The following LMO1 variants were observed in gnomAD, a reference collection of about 807,000 sequenced individuals.
The protein encoded by LMO1 is LIM domain only 1, also known as rhombotin-1.
LMO1 carries 10 observed loss-of-function variants against 18.0 expected under a neutral mutation model. That is an observed-to-expected ratio of 0.55 (90% CI 0.34 to 0.94). LMO1 has a LOEUF of 0.94. LMO1 is among the 40% of genes least tolerant of loss of function. The pLI is 0.02. For missense variants in LMO1, 183 were observed against 205.7 expected (o/e 0.89, Z 0.68); for synonymous variants, 77 against 77.9 (o/e 0.99, Z 0.06).
intron 1 of LMO1, among the ~76,000 whole-genome samples, chr11:8,235,785 G>T (rs1177724893): frequency 2.0e-5 from 3 of 152,250 alleles, no homozygotes; most frequent in South Asian, 2.1e-4. Flanking sequence ...TGTGTAATGG[G>T]TATGAAAACA....
At chr11:8,247,383 C>T (rs1275694814) in intron 1 of LMO1, among the ~76,000 whole-genome samples, 4 of 152,188 alleles carry the variant, frequency 2.6e-5, no homozygotes, top group Non-Finnish European at 5.9e-5. Flanking sequence ...AGGAAAGCAA[C>T]GAGGCTGCCT....
chr11:8,268,394 CCCGGGCACCGGCA>C (rs1324019039), upstream of LMO1: 2 of 1,466,592 alleles, frequency 1.4e-6, no homozygotes, highest in South Asian at 1.3e-5. Flanking sequence ...CCCGCGTGCC[CCCGGGCACCGGCA>C]CCGGGCGCCG....
rs774615420 is a variant in LMO1 at position 8,230,502 on chromosome 11, C to A, written c.28G>T (p.Val10Leu). 3.1e-6 allele frequency: 5 copies of A among 1,610,968 alleles called. No individual in the cohort carries two copies. Among genetic ancestry groups the A allele is most frequent in the Non-Finnish European group, 4.2e-6 (5 of 1,179,822 alleles). The change falls in exon 2 of 4, where the codon GTG becomes TTG. Residue 10 changes from valine to leucine, a missense_variant and splice_region_variant. Physicochemically the swap from Val to Leu is conservative, Grantham distance 32. Coordinates refer to ENST00000335790, the MANE Select transcript of LMO1 (RefSeq NM_002315.3). Reference protein sequence around the residue: MMVLDKEDGVPMLSVQPKGK... With the variant: MMVLDKEDGLPMLSVQPKGK... ...TTGGGCTGGACGGAGAGCATCGGCA[C>A]GCCTGCAGACGGACAGACAGACAGC...
chr11:8,250,714 C>CGAG (rs1236629426), intron 1 of LMO1, among the ~76,000 whole-genome samples: 2 of 152,234 alleles, frequency 1.3e-5, no homozygotes, highest in Non-Finnish European at 2.9e-5. Context: ...GGGTGCAGCC[C>CGAG]GAGGCCCCAT....
chr11:8,224,744 A>G, intron 3 of LMO1, 23 bp from the exon 4 acceptor site: 2 of 1,525,700 alleles, frequency 1.3e-6, no homozygotes, highest in Non-Finnish European at 1.8e-6. Context: ...AGCGAGAGAG[A>G]GAAGCCATGG....
chr11:8,242,201 A>G (rs1218621929), intron 1 of LMO1, among the ~76,000 whole-genome samples: 1 of 152,180 alleles, frequency 6.6e-6, no homozygotes, highest in East Asian at 1.9e-4. Flanking sequence ...CCAGCTGAGG[A>G]ACAACAGCTC....
intron 3 of LMO1, among the ~76,000 whole-genome samples, chr11:8,225,084 A>C (rs911560136): frequency 6.6e-6 from 1 of 152,074 alleles, no homozygotes; most frequent in African/African-American, 2.4e-5. Context: ...GGAAAGCACA[A>C]ACAGAAAAAG....
chr11:8,259,199 G>C (rs188398807), intron 1 of LMO1, among the ~76,000 whole-genome samples: 1 of 152,188 alleles, frequency 6.6e-6, no homozygotes, highest in Non-Finnish European at 1.5e-5. Context: ...GATTCCGGAC[G>C]ACAGACCAAT....
At chr11:8,249,817 T>A (rs1846957903) in intron 1 of LMO1, among the ~76,000 whole-genome samples, 1 of 152,198 alleles carries the variant, frequency 6.6e-6, no homozygotes, top group Non-Finnish European at 1.5e-5. Context: ...AATCCTCTCC[T>A]GACCTCCTTC....
At chr11:8,228,652 C>CAAAAA (rs34483450) in intron 2 of LMO1, among the ~76,000 whole-genome samples, 1 of 135,812 alleles carries the variant, frequency 7.4e-6, no homozygotes, top group African/African-American at 2.7e-5. Context: ...TCTGCCAGAG[C>CAAAAA]AAAAAAAAAA....
intron 1 of LMO1, among the ~76,000 whole-genome samples, chr11:8,235,836 T>C (rs1952751848): frequency 6.6e-6 from 1 of 152,182 alleles, no homozygotes; most frequent in Non-Finnish European, 1.5e-5. Flanking sequence ...ACGGAGTTAA[T>C]TTATGTGATG....
intron 1 of LMO1, among the ~76,000 whole-genome samples, chr11:8,257,567 G>C (rs527510986): frequency 2.6e-5 from 4 of 152,344 alleles, no homozygotes; most frequent in South Asian, 4.1e-4. Context: ...CACGCCTCAG[G>C]GCTAGGGCAG....
At chr11:8,226,870 G>T (rs925121653) in intron 3 of LMO1, 105 bp downstream of exon 3, 18 of 1,453,548 alleles carry the variant, frequency 1.2e-5, no homozygotes, top group Non-Finnish European at 1.5e-5. Context: ...ATACACACAC[G>T]CAACCCGCAT....
At chr11:8,265,737 G>A (rs1458400008), upstream of LMO1, among the ~76,000 whole-genome samples, 2 of 152,144 alleles carry the variant, frequency 1.3e-5, no homozygotes, top group African/African-American at 2.4e-5. Context: ...CCAGAGCTGG[G>A]GGCTAGACAG....
intron 1 of LMO1, among the ~76,000 whole-genome samples, chr11:8,247,415 C>G (rs1260353096): frequency 6.6e-6 from 1 of 152,152 alleles, no homozygotes; most frequent in Non-Finnish European, 1.5e-5. Context: ...GAGCACCATG[C>G]CCAGACTAGG....
At chr11:8,268,544 C>G (rs927537143), upstream of LMO1, 39 of 1,084,556 alleles carry the variant, frequency 3.6e-5, no homozygotes, top group South Asian at 1.2e-4. Flanking sequence ...CCCGCCGGCC[C>G]CGCGCGGGCG....
intron 2 of LMO1, 32 bp downstream of exon 2, chr11:8,230,259 A>G: frequency 6.2e-7 from 1 of 1,602,034 alleles, no homozygotes; most frequent in Non-Finnish European, 8.5e-7. Context: ...GAGCAGGACA[A>G]GGGCTTGGGA....
chr11:8,227,595 A>T (rs1281633229), intron 2 of LMO1, among the ~76,000 whole-genome samples: 1 of 152,260 alleles, frequency 6.6e-6, no homozygotes, highest in African/African-American at 2.4e-5. Flanking sequence ...CAACTCACTA[A>T]GCAACCACCT....
At chr11:8,225,477 C>T (rs1263248949) in intron 3 of LMO1, among the ~76,000 whole-genome samples, 4 of 149,688 alleles carry the variant, frequency 2.7e-5, no homozygotes, top group Admixed American at 1.3e-4. Flanking sequence ...TTGTTTTTTC[C>T]ATCCGTCTAT....
Sources: allele counts gnomAD v4.1 joint callset (sites outside exome capture counted in the v4.1 genomes callset), GRCh38; gene constraint gnomAD v4.1.1; transcripts MANE v1.5; gene names NCBI Gene and HGNC (gene_info 2026-07-23, HGNC 2026-07-21).